The following DCBLD1 variants were observed in gnomAD, a reference collection of about 807,000 sequenced individuals.
DCBLD1 encodes the protein discoidin, CUB and LCCL domain-containing protein 1.
Under a neutral mutation model 71.5 loss-of-function variants are expected in DCBLD1, and 57 were observed. The ratio of observed to expected loss-of-function variants is 0.80; its 90% CI spans 0.64 to 0.99. DCBLD1 has a LOEUF of 0.99. DCBLD1 is among the 50% of genes least tolerant of loss of function. The pLI, the probability that DCBLD1 is intolerant of heterozygous loss-of-function variation, is 0.00. For missense variants in DCBLD1, 891 were observed against 923.5 expected (o/e 0.96, Z 0.46); for synonymous variants, 380 against 363.8 (o/e 1.04, Z -0.51).
In DCBLD1 at chr6:117,488,971, G is replaced by A. The variant is rs1213569090; in HGVS notation, c.112+6078G>A. Among the ~76,000 whole-genome samples, 8 of 152,222 alleles carry A rather than the reference G, an allele frequency of 5.3e-5. No homozygotes were observed. The East Asian group carries it at 1.5e-3, about 29-fold the overall frequency. ...ATCTCGTTATTAGCTATTTCCTTAGGAGCTACATGCTGTGTAATAATATAC... is the reference window on the plus strand; with the variant it reads ...ATCTCGTTATTAGCTATTTCCTTAGAAGCTACATGCTGTGTAATAATATAC... On this transcript the variant is annotated intron_variant, in intron 1 of 14. Coordinates refer to ENST00000338728, the MANE Select transcript of DCBLD1 (RefSeq NM_001366458.2).
chr6:117,548,076 CCCGGAGCCCGAGTACGCCACGCCCATCGT>C lies in DCBLD1; in HGVS notation c.1786_1814del (p.Pro596GlyfsTer77). 6.5e-7 allele frequency: 1 copy of C among 1,549,016 alleles called. No homozygotes were observed. The highest frequency in any genetic ancestry group is 2.4e-5 in the East Asian group (1 of 40,856). On this transcript the variant is annotated frameshift_variant, in exon 15 of 15. Coordinates refer to ENST00000338728, the MANE Select transcript of DCBLD1 (RefSeq NM_001366458.2). LOFTEE classifies it low-confidence loss of function (END_TRUNC). ...ACGAGTACGCGCTGCCCCTGGCGCCCCCGGAGCCCGAGTACGCCACGCCCATCGTGGAGCGGCACGTGCTGCGCGCCCAC... is the reference window on the plus strand; with the variant it reads ...ACGAGTACGCGCTGCCCCTGGCGCCCGGAGCGGCACGTGCTGCGCGCCCAC...
intron 2 of DCBLD1, among the ~76,000 whole-genome samples, chr6:117,511,928 T>C (rs756461564): frequency 6.6e-6 from 1 of 152,194 alleles, no homozygotes; most frequent in Non-Finnish European, 1.5e-5. Context: ...TGGTGGAAAT[T>C]ATTGAGAAGG....
chr6:117,506,515 A>T (rs548870948), intron 2 of DCBLD1, among the ~76,000 whole-genome samples: 1 of 152,248 alleles, frequency 6.6e-6, no homozygotes, highest in African/African-American at 2.4e-5. Flanking sequence ...TGTTGTGGCT[A>T]CTTTAAAGAT....
intron 14 of DCBLD1, among the ~76,000 whole-genome samples, chr6:117,567,211 C>T (rs1779716431): frequency 6.6e-6 from 1 of 152,156 alleles, no homozygotes; most frequent in African/African-American, 2.4e-5. Flanking sequence ...CATGTCTGAT[C>T]AGCCTCGTGA....
intron 2 of DCBLD1, among the ~76,000 whole-genome samples, chr6:117,518,248 A>G (rs1233657554): frequency 2.0e-5 from 3 of 152,200 alleles, no homozygotes; most frequent in Non-Finnish European, 4.4e-5. Flanking sequence ...CAAACATAAC[A>G]AGAGTCACCT....
intron 5 of DCBLD1, among the ~76,000 whole-genome samples, chr6:117,526,143 T>C (rs1231838915): frequency 1.3e-5 from 2 of 152,268 alleles, no homozygotes; most frequent in Non-Finnish European, 2.9e-5. Flanking sequence ...AAATAACCTT[T>C]ATCTACTTGT....
Position 117,532,320 on chromosome 6 carries a change from C to G in DCBLD1, c.646C>G (p.Gln216Glu), listed in dbSNP as rs764768860. 1 of 1,613,818 alleles carries G rather than the reference C, an allele frequency of 6.2e-7. No homozygotes were observed. The highest frequency in any genetic ancestry group is 2.2e-5 in the East Asian group (1 of 44,876). The change falls in exon 6 of 15, where the codon CAG becomes GAG. Residue 216 changes from glutamine to glutamate, a missense_variant. Gln to Glu is a conservative substitution (Grantham distance 29). Transcript: ENST00000338728. ...AGIIADELGG[Q>E]ISVLQRKGIS... ...AATAATTGCTGATGAACTAGGTGGC[C>G]AGATCAGTGTGCTTCAGCGCAAAGG...
chr6:117,537,202 A>G lies in DCBLD1; in HGVS notation c.737A>G (p.Lys246Arg), dbSNP rs1778910375. The change falls in exon 7 of 15, where the codon AAG becomes AGG. Residue 246 changes from lysine to arginine, a missense_variant. Coordinates refer to ENST00000338728, the MANE Select transcript of DCBLD1 (RefSeq NM_001366458.2). ...VLSRDGSLSD[K>R]RFLFTSNGCS... The stretch of plus-strand genomic sequence containing the variant: ...TGTTTCAGTGGTTCCCTGTCAGACA[A>G]GCGATTTCTGTTTACCTCCAATGGT... 7 of 1,613,928 alleles carry G rather than the reference A, an allele frequency of 4.3e-6. No individual in the cohort carries two copies. Among genetic ancestry groups the G allele is most frequent in the Non-Finnish European group, 5.9e-6 (7 of 1,179,948 alleles).
chr6:117,524,856 A>G (rs934922876), intron 4 of DCBLD1, among the ~76,000 whole-genome samples: 2 of 152,214 alleles, frequency 1.3e-5, no homozygotes, highest in African/African-American at 4.8e-5. Context: ...TGTGGCTCCC[A>G]TTATATTTCT....
At chr6:117,539,221 T>C (rs949095435) in intron 8 of DCBLD1, 34 bp from the exon 9 acceptor site, 6 of 1,497,482 alleles carry the variant, frequency 4.0e-6, no homozygotes, top group Admixed American at 4.8e-5. Context: ...AACAAACTTT[T>C]AAAAATAGCC....
intron 14 of DCBLD1, among the ~76,000 whole-genome samples, chr6:117,546,074 T>A (rs1006980978): frequency 1.3e-5 from 2 of 152,220 alleles, no homozygotes; most frequent in African/African-American, 4.8e-5. Context: ...GTTTCTTTTT[T>A]TAAAATTTCT....
rs1485574131 is a variant in DCBLD1 at position 117,521,579 on chromosome 6, A to T, written c.512+3A>T. The T allele has an allele frequency of 1.3e-6, 2 of 1,561,946 alleles. No individual in the cohort carries two copies. Among genetic ancestry groups the T allele is most frequent in the Non-Finnish European group, 1.7e-6 (2 of 1,163,666 alleles). ...CATTATTTGAAGACAGAATACAGGT[A>T]AGTATAGGTATCCTAACTGTGTTGC... On this transcript the variant is annotated splice_donor_region_variant and intron_variant, in intron 4 of 14. Coordinates refer to ENST00000338728, the MANE Select transcript of DCBLD1 (RefSeq NM_001366458.2).
chr6:117,521,669 T>A, intron 4 of DCBLD1, 93 bp downstream of exon 4: 1 of 1,100,726 alleles, frequency 9.1e-7, no homozygotes, highest in Non-Finnish European at 1.3e-6. Flanking sequence ...TACTTAAAGC[T>A]CTTTTTACCA....
At chr6:117,521,640 G>C (rs1233189641) in intron 4 of DCBLD1, 64 bp downstream of exon 4, 4 of 1,361,942 alleles carry the variant, frequency 2.9e-6, no homozygotes, top group Non-Finnish European at 4.0e-6. Context: ...TTTCTTTCAC[G>C]TTAAACCAGA....
intron 14 of DCBLD1, 105 bp downstream of exon 14, chr6:117,545,702 G>T: frequency 6.9e-7 from 1 of 1,451,750 alleles, no homozygotes; most frequent in Non-Finnish European, 9.2e-7. Context: ...TTTAGATAGG[G>T]TCCAGTAAAT....
At chr6:117,566,375 T>C (rs958435256) in intron 14 of DCBLD1, among the ~76,000 whole-genome samples, 3 of 152,144 alleles carry the variant, frequency 2.0e-5, no homozygotes, top group African/African-American at 7.2e-5. Flanking sequence ...TTAAAATATG[T>C]CTAAATGATA....
intron 1 of DCBLD1, among the ~76,000 whole-genome samples, chr6:117,499,416 GAAA>G (rs140943608): frequency 7.5e-6 from 1 of 133,126 alleles, no homozygotes; most frequent in Non-Finnish European, 1.6e-5. Flanking sequence ...AAAAGAAAAA[GAAA>G]AAAAAAAGAG....
chr6:117,515,112 C>A (rs1003612430), intron 2 of DCBLD1, among the ~76,000 whole-genome samples: 3 of 151,728 alleles, frequency 2.0e-5, no homozygotes, highest in East Asian at 3.9e-4. Flanking sequence ...CTCCACCCCC[C>A]AGGTTCAAGC....
At chr6:117,514,064 A>C (rs1778110297) in intron 2 of DCBLD1, among the ~76,000 whole-genome samples, 1 of 152,094 alleles carries the variant, frequency 6.6e-6, no homozygotes, top group African/African-American at 2.4e-5. Context: ...GTTTCCCATT[A>C]ATTATTTTTC....
Sources: gnomAD v4.1 joint callset for allele counts (sites outside exome capture counted in the v4.1 genomes callset) on GRCh38, gnomAD v4.1.1 for gene constraint, MANE v1.5 for transcripts, NCBI Gene and HGNC (gene_info 2026-07-23, HGNC 2026-07-21) for gene names.